The following RNF144B variants were observed in gnomAD, a reference collection of about 807,000 sequenced individuals.
RNF144B encodes the protein E3 ubiquitin-protein ligase RNF144B.
In RNF144B, 25 loss-of-function variants were observed where a neutral mutation model predicts 40.2. That is an observed-to-expected ratio of 0.62 (90% confidence interval 0.45 to 0.87). The LOEUF (loss-of-function observed/expected upper bound fraction) is 0.87. Among genes scored for constraint, RNF144B ranks in the 40% least tolerant of loss-of-function variants. The pLI, the probability that RNF144B is intolerant of heterozygous loss-of-function variation, is 0.00. For synonymous variants in RNF144B, 145 were observed against 136.3 expected, an observed-to-expected ratio of 1.06 and a Z score of -0.44; for missense variants, 365 against 373.7, an observed-to-expected ratio of 0.98 and a Z score of 0.19.
At chr6:18,389,411 C>T (rs774083144) in intron 1 of RNF144B, among the ~76,000 whole-genome samples, 36 of 152,156 alleles carry the variant, frequency 2.4e-4, no homozygotes, top group Non-Finnish European at 4.6e-4. Flanking sequence ...TCCTGAAAAA[C>T]GTCTTTCTCC....
rs72832488 is a variant in RNF144B, at chr6:18,456,773, T to A, written c.332-382T>A. ...ATAAATGTCAGTTTAAAAAAGAGGGTAAATGGGGCAGGTGTGGTGGCTCAT... is the reference window on the plus strand; with the variant it reads ...ATAAATGTCAGTTTAAAAAAGAGGGAAAATGGGGCAGGTGTGGTGGCTCAT... On this transcript the variant is annotated intron_variant, in intron 4 of 7. Coordinates refer to ENST00000259939, the MANE Select transcript of RNF144B (RefSeq NM_182757.4). This position sits in a 1 kb window ranked among gnomAD's most constrained non-coding sequence, Gnocchi z 4.7. Among the ~76,000 whole-genome samples the A allele has an allele frequency of 0.011, 1,662 of 151,796 alleles. 23 individuals carry two copies. The highest frequency in any genetic ancestry group is 0.028 in the Middle Eastern group (8 of 290).
chr6:18,429,662 A>T (rs573220145), intron 3 of RNF144B, among the ~76,000 whole-genome samples: 1 of 152,318 alleles, frequency 6.6e-6, no homozygotes, highest in South Asian at 2.1e-4. Context: ...GAGAAATTGG[A>T]CTAGTTACTA....
chr6:18,431,326 T>C (rs1758692503), intron 3 of RNF144B, among the ~76,000 whole-genome samples: 1 of 152,238 alleles, frequency 6.6e-6, no homozygotes, highest in Non-Finnish European at 1.5e-5. Context: ...TAATTGATAA[T>C]CATTTTGAGT....
At chr6:18,421,297 C>T (rs1758416867) in intron 2 of RNF144B, among the ~76,000 whole-genome samples, 1 of 136,076 alleles carries the variant, frequency 7.3e-6, no homozygotes, top group South Asian at 2.6e-4. Context: ...CACACACACA[C>T]ACACACACAC....
rs930056054 is a variant in RNF144B at position 18,457,114 on chromosome 6, G to T, written c.332-41G>T. ...ATGAAGGTGAGAAAGACTCAAACAT[G>T]AATCGGGCAGACCATCACATTTTCT... is the stretch of plus-strand genomic sequence containing the variant. On this transcript the variant is annotated intron_variant, in intron 4 of 7. Coordinates refer to ENST00000259939, the MANE Select transcript of RNF144B (RefSeq NM_182757.4). The surrounding 1 kb of genome is among the most constrained non-coding windows in gnomAD (Gnocchi z 5.1). 7.0e-7 allele frequency: 1 copy of T among 1,428,554 alleles called. No individual in the cohort carries two copies. The allele number at this position is 1,428,554 out of a possible 1,614,324, so 88.5% of individuals were successfully genotyped here.
chr6:18,391,699 C>G (rs1385261519), intron 1 of RNF144B, among the ~76,000 whole-genome samples: 1 of 151,220 alleles, frequency 6.6e-6, no homozygotes, highest in Non-Finnish European at 1.5e-5. Context: ...AACCACATCT[C>G]TACTAAAAAT....
intron 3 of RNF144B, among the ~76,000 whole-genome samples, chr6:18,430,655 TA>T (rs1206535792): frequency 2.0e-5 from 2 of 98,530 alleles, no homozygotes; most frequent in Non-Finnish European, 2.4e-5. Flanking sequence ...GGCTAATTTT[TA>T]ATTTTTTTTT....
chr6:18,409,627 A>G (rs1205431105), intron 2 of RNF144B, among the ~76,000 whole-genome samples: 1 of 137,236 alleles, frequency 7.3e-6, no homozygotes, highest in Non-Finnish European at 1.5e-5. Flanking sequence ...CTGGAGTGCA[A>G]TGGCACGATC....
At chr6:18,426,009 A>G (rs943415292) in intron 2 of RNF144B, among the ~76,000 whole-genome samples, 5 of 152,200 alleles carry the variant, frequency 3.3e-5, no homozygotes, top group African/African-American at 9.6e-5. Flanking sequence ...AGATAAATAC[A>G]TGATTAGTTT....
Position 18,457,158 on chromosome 6 carries a change from T to A in RNF144B, c.335T>A (p.Val112Asp), listed in dbSNP as rs770995124. The change falls in exon 5 of 8, where the codon GTT (valine) becomes GAT (aspartate). Residue 112 changes from valine to aspartate, a missense_variant. Val to Asp is a radical substitution (Grantham distance 152, BLOSUM62 -3). Transcript: ENST00000259939. This position sits in a 1 kb window ranked among gnomAD's most constrained non-coding sequence, Gnocchi z 5.1. ...LYQRLKFERE[V>D]HLDPYRTWCP... is the part of the protein sequence containing the mutation. ...ATTTTCTTTCTTTACACTTTAGAAG[T>A]TCATCTGGACCCCTACCGAACATGG... The A allele has an allele frequency of 6.2e-7, 1 of 1,612,428 alleles. No individual in the cohort carries two copies. Among genetic ancestry groups the A allele is most frequent in the Non-Finnish European group, 8.5e-7 (1 of 1,179,022 alleles).
In RNF144B at chr6:18,467,578, A is replaced by G. The variant is rs1454856443; in HGVS notation, c.*2511A>G. ...TAGGTTGGTTAAACATATCTCTGGTACATCAAGGGGCATGATACAAACCAG... is the reference window on the plus strand; with the variant it reads ...TAGGTTGGTTAAACATATCTCTGGTGCATCAAGGGGCATGATACAAACCAG... On this transcript the variant is annotated 3_prime_UTR_variant, in exon 8 of 8. Transcript: ENST00000259939. The G allele has an allele frequency of 6.6e-6, 1 of 152,034 alleles. No homozygotes were observed. Among genetic ancestry groups the G allele is most frequent in the Non-Finnish European group, 1.5e-5 (1 of 68,000 alleles). 9.4% of individuals were successfully genotyped at this position (152,034 alleles called of 1,614,324 possible).
intron 3 of RNF144B, among the ~76,000 whole-genome samples, chr6:18,431,378 G>C (rs1472712495): frequency 6.6e-6 from 1 of 152,182 alleles, no homozygotes; most frequent in Non-Finnish European, 1.5e-5. Flanking sequence ...ATGGGTAGCT[G>C]CATCAGTTTA....
chr6:18,432,663 T>C (rs1222210869), intron 3 of RNF144B, among the ~76,000 whole-genome samples: 1 of 152,214 alleles, frequency 6.6e-6, no homozygotes, highest in Non-Finnish European at 1.5e-5. Flanking sequence ...CTGGGAAAGT[T>C]TGAACCATTT....
chr6:18,428,931 C>T (rs768403391), intron 3 of RNF144B, among the ~76,000 whole-genome samples: 5 of 152,154 alleles, frequency 3.3e-5, no homozygotes, highest in African/African-American at 4.8e-5. Context: ...GTGGCTCACA[C>T]CTGTAATCCT....
chr6:18,392,212 A>C (rs919533240), intron 1 of RNF144B, among the ~76,000 whole-genome samples: 17 of 152,276 alleles, frequency 1.1e-4, no homozygotes, highest in African/African-American at 4.1e-4. Flanking sequence ...CGTCTCAAAA[A>C]AAAAACGATG....
At chr6:18,423,060 T>C (rs1220775661) in intron 2 of RNF144B, among the ~76,000 whole-genome samples, 1 of 152,230 alleles carries the variant, frequency 6.6e-6, no homozygotes, top group Non-Finnish European at 1.5e-5. Flanking sequence ...AAGGTTCCTA[T>C]TTGTCTGTGG....
rs531735318 is a variant in RNF144B at position 18,405,327 on chromosome 6, C to G, written c.165+5628C>G. On this transcript the variant is annotated intron_variant, in intron 2 of 7. Coordinates refer to ENST00000259939, the MANE Select transcript of RNF144B (RefSeq NM_182757.4). The surrounding 1 kb of genome is among the most constrained non-coding windows in gnomAD (Gnocchi z 4.5). ...TAGCTGGGATTACAGGCATGTGCCA[C>G]CAGGCCTGACTAATTTTTTTTGTAT... is the stretch of plus-strand genomic sequence containing the variant. Among the ~76,000 whole-genome samples, 3 of 151,924 alleles carry G rather than the reference C, an allele frequency of 2.0e-5. No individual in the cohort carries two copies. The highest frequency in any genetic ancestry group is 7.3e-5 in the African/African-American group (3 of 41,352).
In RNF144B at chr6:18,450,819, A is replaced by G. The variant is rs1202247567; in HGVS notation, c.332-6336A>G. On this transcript the variant is annotated intron_variant, in intron 4 of 7. Transcript: ENST00000259939. This position sits in a 1 kb window ranked among gnomAD's most constrained non-coding sequence, Gnocchi z 4.7. The stretch of plus-strand genomic sequence containing the variant: ...CTGTTCTCTCTTCTACAGCTTCTAA[A>G]TGCTGCCTGCAAAGTTGCTACCTCA... Among the ~76,000 whole-genome samples, 2 of 152,190 alleles carry G rather than the reference A, an allele frequency of 1.3e-5. No individual in the cohort carries two copies. The highest frequency in any genetic ancestry group is 3.8e-4 in the East Asian group (2 of 5,196).
chr6:18,467,217 C>T lies in RNF144B; in HGVS notation c.*2150C>T, dbSNP rs1415105696. 6.6e-6 allele frequency: 1 copy of T among 152,526 alleles called. No homozygotes were observed. The highest frequency in any genetic ancestry group is 1.5e-5 in the Non-Finnish European group (1 of 68,026). The allele number at this position is 152,526 out of a possible 1,614,324, so 9.4% of individuals were successfully genotyped here. On this transcript the variant is annotated 3_prime_UTR_variant, in exon 8 of 8. Transcript: ENST00000259939. ...GTCCTCTGTCAGTAAACTCTTTAAG[C>T]TTGGTGCTGCAAAGAGTCTTTAAAT... is the stretch of plus-strand genomic sequence containing the variant.
Sources: gnomAD v4.1 joint callset for allele counts (sites outside exome capture counted in the v4.1 genomes callset) on GRCh38, gnomAD v4.1.1 for gene constraint, Gnocchi (gnomAD v3.1) non-coding constraint, MANE v1.5 for transcripts, NCBI Gene and HGNC (gene_info 2026-07-23, HGNC 2026-07-21) for gene names.